The following PGAM1 variants were observed in gnomAD, a reference collection of about 807,000 sequenced individuals.
The protein encoded by PGAM1 is phosphoglycerate mutase 1.
In PGAM1, 21 loss-of-function variants were observed where a neutral mutation model predicts 23.5. That is an observed-to-expected ratio of 0.89 (90% CI 0.63 to 1.29). PGAM1 has a LOEUF of 1.29. Among genes scored for constraint, PGAM1 ranks in the 50% most tolerant of loss-of-function variants. The pLI is 0.00. For synonymous variants in PGAM1, 109 were observed against 128.6 expected (o/e 0.85, Z 1.03); for missense variants, 232 against 336.3 (o/e 0.69, Z 2.42).
chr10:97,428,806 G>A (rs1238468097), intron 1 of PGAM1, among the ~76,000 whole-genome samples: 4 of 152,052 alleles, frequency 2.6e-5, no homozygotes, highest in Non-Finnish European at 4.4e-5. Flanking sequence ...GAGTTTTCCT[G>A]GTGATTAGTT....
chr10:97,426,321 A>G lies in PGAM1; in HGVS notation c.14A>G (p.Lys5Arg), dbSNP rs201521815. The change falls in exon 1 of 4, where the codon AAA (lysine) becomes AGA (arginine). Residue 5 changes from lysine (K) to arginine (R), a missense_variant. By Grantham distance (26) the Lys-to-Arg change is conservative. Transcript: ENST00000334828. MAAY[K>R]LVLIRHGESA... ...CAGCCCGCCGCCATGGCCGCCTACA[A>G]ACTGGTGCTGATCCGGCACGGCGAG... is the stretch of plus-strand genomic sequence containing the variant. 7.4e-4 allele frequency: 1,195 copies of G among 1,610,468 alleles called. 14 individuals are homozygous for G. In the Admixed American group the frequency reaches 0.019, roughly 26 times the overall value.
At chr10:97,430,043 CAAAA>C (rs71814636) in intron 1 of PGAM1, among the ~76,000 whole-genome samples, 9 of 69,780 alleles carry the variant, frequency 1.3e-4, no homozygotes, top group Non-Finnish European at 1.9e-4. Flanking sequence ...GACTCCGTCT[CAAAA>C]AAAAAAAAAA....
intron 1 of PGAM1, chr10:97,427,462 G>C (rs1845423002): frequency 5.8e-6 from 6 of 1,026,104 alleles, no homozygotes; most frequent in Non-Finnish European, 7.0e-6. Context: ...ATCTTTCCAA[G>C]GCCCCTTTAT....
intron 1 of PGAM1, 106 bp downstream of exon 1, chr10:97,426,552 AT>A: frequency 7.3e-7 from 1 of 1,363,918 alleles, no homozygotes; most frequent in Non-Finnish European, 9.8e-7. Context: ...CTTGGGCAGC[AT>A]CTCTCTTAAC....
Position 97,426,318 on chromosome 10 carries a change from A to G in PGAM1, c.11A>G (p.Tyr4Cys), listed in dbSNP as rs753271693. Residue 4 changes from tyrosine to cysteine, a missense_variant, in exon 1 of 4, where the codon TAC becomes TGC. By Grantham distance (194) the Tyr-to-Cys change is radical. This residue lies in a region of PGAM1 where 38 missense variants were observed against 77.1 expected (regional missense o/e 0.49). Coordinates refer to ENST00000334828, the MANE Select transcript of PGAM1 (RefSeq NM_002629.4). MAA[Y>C]KLVLIRHGES... The stretch of plus-strand genomic sequence containing the variant: ...CCCCAGCCCGCCGCCATGGCCGCCT[A>G]CAAACTGGTGCTGATCCGGCACGGC... 1.2e-5 allele frequency: 19 copies of G among 1,610,398 alleles called. No homozygotes were observed. The highest frequency in any genetic ancestry group is 1.5e-5 in the Non-Finnish European group (18 of 1,179,216).
chr10:97,430,403 G>C lies in PGAM1; in HGVS notation c.164G>C (p.Cys55Ser), dbSNP rs866885871. The C allele has an allele frequency of 9.9e-6, 16 of 1,611,600 alleles. No homozygotes were observed. Among genetic ancestry groups the C allele is most frequent in the Middle Eastern group, 2.3e-4 (1 of 4,432 alleles). ...GATGCTGGCTATGAGTTTGACATCT[G>C]CTTCACCTCAGTGCAGAAGAGAGCG... ...LRDAGYEFDI[C>S]FTSVQKRAIR... The change falls in exon 2 of 4, where the codon TGC becomes TCC. Residue 55 changes from cysteine (C) to serine (S), a missense_variant. Physicochemically the swap from Cys to Ser is moderately radical, Grantham distance 112. Transcript: ENST00000334828.
Position 97,430,656 on chromosome 10 carries a change from A to T in PGAM1, c.414+3A>T. 8 of 1,603,058 alleles carry T rather than the reference A, an allele frequency of 5.0e-6. No individual in the cohort carries two copies. The highest frequency in any genetic ancestry group is 6.8e-6 in the Non-Finnish European group (8 of 1,179,976). On this transcript the variant is annotated splice_donor_region_variant and intron_variant, in intron 2 of 3. Transcript: ENST00000334828. Reference sequence around the variant, plus strand: ...CTTTCTACAGCAACATCAGTAAGGTATGGACAAACAGAGGTTTGGTCACTC... The same window carrying T: ...CTTTCTACAGCAACATCAGTAAGGTTTGGACAAACAGAGGTTTGGTCACTC...
intron 1 of PGAM1, chr10:97,427,413 C>T: frequency 2.0e-6 from 2 of 1,008,540 alleles, no homozygotes; most frequent in Non-Finnish European, 2.4e-6. Context: ...TCGAGTTGCT[C>T]CTTCTACCCA....
rs757136766 is a variant in PGAM1 at position 97,430,512 on chromosome 10, C to A, written c.273C>A (p.His91Gln). The change falls in exon 2 of 4, where the codon CAC (histidine) becomes CAA (glutamine). Residue 91 changes from histidine (H) to glutamine (Q), a missense_variant. Around this residue, in one of 3 missense-constraint regions of PGAM1, gnomAD observed 191 missense variants for 241.7 expected, o/e 0.79. Transcript: ENST00000334828. ...VVRTWRLNER[H>Q]YGGLTGLNKA... ...GGACTTGGCGCCTCAATGAGCGGCA[C>A]TATGGGGGTCTAACCGGTCTCAATA... is the stretch of plus-strand genomic sequence containing the variant. The A allele has an allele frequency of 2.5e-6, 4 of 1,601,198 alleles. No homozygotes were observed. The Admixed American group carries it at 6.7e-5, about 27-fold the overall frequency.
chr10:97,432,431 G>C lies in PGAM1; in HGVS notation c.672G>C (p.Leu224Phe), dbSNP rs1269659550. 1 of 1,611,360 alleles carries C rather than the reference G, an allele frequency of 6.2e-7. No homozygotes were observed. The highest frequency in any genetic ancestry group is 8.5e-7 in the Non-Finnish European group (1 of 1,179,532). Residue 224 changes from leucine to phenylalanine, a missense_variant, in exon 4 of 4, where the codon TTG (leucine) becomes TTC (phenylalanine). This residue lies in a region of PGAM1 where 191 missense variants were observed against 241.7 expected (regional missense o/e 0.79). Coordinates refer to ENST00000334828, the MANE Select transcript of PGAM1 (RefSeq NM_002629.4). Reference sequence around the variant, plus strand: ...TTGTCTATGAATTGGACAAGAACTTGAAGCCTATCAAGCCCATGCAGTTTC... The same window carrying C: ...TTGTCTATGAATTGGACAAGAACTTCAAGCCTATCAAGCCCATGCAGTTTC... ...IPIVYELDKNLKPIKPMQFLG... is the reference protein window; with the variant it reads ...IPIVYELDKNFKPIKPMQFLG...
intron 1 of PGAM1, chr10:97,427,857 C>G (rs1361849891): frequency 7.8e-7 from 1 of 1,289,216 alleles, no homozygotes; most frequent in Non-Finnish European, 1.0e-6. Flanking sequence ...TATTTGGCCT[C>G]AGATTGCTCT....
chr10:97,426,617 A>C (rs1379339502), intron 1 of PGAM1, among the ~76,000 whole-genome samples, 171 bp downstream of exon 1: 1 of 152,254 alleles, frequency 6.6e-6, no homozygotes, highest in African/African-American at 2.4e-5. Flanking sequence ...TACTTGTTCA[A>C]GGTCACGCCG....
chr10:97,431,159 C>T (rs2133133091), intron 3 of PGAM1, 24 bp downstream of exon 3: 2 of 1,614,018 alleles, frequency 1.2e-6, no homozygotes, highest in East Asian at 2.2e-5. Flanking sequence ...TTCAGAGGCG[C>T]CCTCAAGGAA....
In PGAM1 at chr10:97,430,423, A is replaced by G. The variant is rs1250217523; in HGVS notation, c.184A>G (p.Arg62Gly). ...FDICFTSVQK[R>G]AIRTLWTVLD... Reference sequence around the variant, plus strand: ...CATCTGCTTCACCTCAGTGCAGAAGAGAGCGATCCGGACCCTCTGGACAGT... The same window carrying G: ...CATCTGCTTCACCTCAGTGCAGAAGGGAGCGATCCGGACCCTCTGGACAGT... Residue 62 changes from arginine to glycine, a missense_variant, in exon 2 of 4, where the codon AGA becomes GGA. Transcript: ENST00000334828. The G allele has an allele frequency of 1.2e-6, 2 of 1,611,054 alleles. No individual in the cohort carries two copies. The highest frequency in any genetic ancestry group is 1.7e-6 in the Non-Finnish European group (2 of 1,179,806).
intron 3 of PGAM1, among the ~76,000 whole-genome samples, chr10:97,432,039 G>A (rs1342504487): frequency 1.3e-5 from 2 of 152,194 alleles, no homozygotes; most frequent in Non-Finnish European, 2.9e-5. Flanking sequence ...TGGATGGGCT[G>A]TACAGGGTAT....
At chr10:97,430,689 G>C in intron 2 of PGAM1, 36 bp downstream of exon 2, 2 of 1,602,134 alleles carry the variant, frequency 1.2e-6, no homozygotes, top group South Asian at 2.2e-5. Context: ...CTCCGCCCAG[G>C]ATCAGGGGCT....
chr10:97,427,652 G>C, intron 1 of PGAM1: 1 of 1,190,516 alleles, frequency 8.4e-7, no homozygotes, highest in Non-Finnish European at 1.1e-6. Context: ...TGCCTATCCA[G>C]GCTTGCTCCC....
At chr10:97,429,068 A>C (rs1845440235) in intron 1 of PGAM1, among the ~76,000 whole-genome samples, 1 of 151,262 alleles carries the variant, frequency 6.6e-6, no homozygotes, top group Non-Finnish European at 1.5e-5. Context: ...ATCTTTAATG[A>C]AACAAAATCA....
At chr10:97,430,040 T>C (rs1845451057) in intron 1 of PGAM1, among the ~76,000 whole-genome samples, 2 of 127,666 alleles carry the variant, frequency 1.6e-5, no homozygotes, top group Non-Finnish European at 1.6e-5. Flanking sequence ...TGAGACTCCG[T>C]CTCAAAAAAA....
Sources: allele counts gnomAD v4.1 joint callset (sites outside exome capture counted in the v4.1 genomes callset), GRCh38; gene constraint gnomAD v4.1.1; regional missense constraint gnomAD v4.1.1; transcripts MANE v1.5; gene names NCBI Gene and HGNC (gene_info 2026-07-23, HGNC 2026-07-21).